DLG2: variants seen among roughly 807,000 people sequenced by gnomAD.
The protein encoded by DLG2 is disks large homolog 2.
A neutral mutation model predicts 132.5 loss-of-function variants in DLG2; 45 were observed. That is an observed-to-expected ratio of 0.34 (90% confidence interval 0.27 to 0.44). DLG2 has a LOEUF of 0.44. Ranked by LOEUF, DLG2 falls within the 20% of genes least tolerant of loss-of-function variation. DLG2 has a pLI of 1.00. For synonymous variants in DLG2, 424 were observed against 419.6 expected (o/e 1.01, Z -0.13); for missense variants, 1,045 against 1,196.9 (o/e 0.87, Z 1.87).
At chr11:85,002,566 G>T (rs1272574220) in intron 6 of DLG2, among the ~76,000 whole-genome samples, 1 of 152,136 alleles carries the variant, frequency 6.6e-6, no homozygotes, top group Non-Finnish European at 1.5e-5. Flanking sequence ...AGAACCATGT[G>T]CTGGTTTACC....
chr11:84,278,427 C>T (rs1261982267), intron 7 of DLG2, among the ~76,000 whole-genome samples: 1 of 151,078 alleles, frequency 6.6e-6, no homozygotes, highest in Non-Finnish European at 1.5e-5. Context: ...CGATTCTACA[C>T]AAAATTTTTC....
intron 7 of DLG2, among the ~76,000 whole-genome samples, chr11:84,414,581 G>A (rs1046196130): frequency 2.6e-5 from 4 of 152,028 alleles, no homozygotes; most frequent in African/African-American, 4.8e-5. Flanking sequence ...TTATCTGAAC[G>A]GCTTACATGA....
chr11:84,314,505 G>A (rs1013291102), intron 7 of DLG2, among the ~76,000 whole-genome samples: 4 of 151,926 alleles, frequency 2.6e-5, no homozygotes, highest in Non-Finnish European at 4.4e-5. Flanking sequence ...TGTATGCTAT[G>A]GATGCATATA....
At chr11:83,952,785 A>G (rs1319736) in intron 14 of DLG2, among the ~76,000 whole-genome samples, 134,579 of 151,994 alleles carry the variant, frequency 0.89, 60,055 homozygotes, top group Non-Finnish European at 0.95. Flanking sequence ...TATTTCAAGT[A>G]ATTATCTCTC....
At chr11:84,580,276 T>A (rs193295530) in intron 6 of DLG2, among the ~76,000 whole-genome samples, 26 of 152,278 alleles carry the variant, frequency 1.7e-4, no homozygotes, top group Non-Finnish European at 2.6e-4. Flanking sequence ...AAAATGTATA[T>A]TAAAACAAAT....
At chr11:85,052,861 C>A (rs1313373112) in intron 6 of DLG2, among the ~76,000 whole-genome samples, 1 of 152,042 alleles carries the variant, frequency 6.6e-6, no homozygotes, top group East Asian at 1.9e-4. Context: ...TTCTTCAGAC[C>A]CTCCTCATTG....
chr11:84,325,049 C>G (rs1330645656), intron 7 of DLG2, among the ~76,000 whole-genome samples: 1 of 151,956 alleles, frequency 6.6e-6, no homozygotes, highest in African/African-American at 2.4e-5. Flanking sequence ...ACTTCCAGTA[C>G]TATGTTGAGT....
intron 18 of DLG2, among the ~76,000 whole-genome samples, chr11:83,681,024 T>C (rs2078695905): frequency 6.6e-6 from 1 of 152,070 alleles, no homozygotes; most frequent in Middle Eastern, 3.2e-3. Context: ...GGACAAACAA[T>C]TATGGGTTTA....
intron 14 of DLG2, among the ~76,000 whole-genome samples, chr11:83,960,806 A>C (rs1208605917): frequency 6.6e-6 from 1 of 152,042 alleles, no homozygotes; most frequent in East Asian, 1.9e-4. Context: ...TAACGCCTAC[A>C]GTGTGAAGCA....
chr11:85,060,550 T>C (rs2063986839), intron 6 of DLG2, among the ~76,000 whole-genome samples: 3 of 150,982 alleles, frequency 2.0e-5, no homozygotes, highest in Admixed American at 6.6e-5. Context: ...CGCGTACATA[T>C]ATATAACATT....
Position 85,100,706 on chromosome 11 carries a change from C to T in DLG2, c.357+10955G>A, listed in dbSNP as rs76684778. On this transcript the variant is annotated intron_variant, in intron 6 of 27. Transcript: ENST00000376104. ...TGCCATCAGTCTCTCCTTCCTTCAA[C>T]ACCACCCCACCATCTCTACCACAAA... 9.2e-5 allele frequency among the ~76,000 whole-genome samples: 14 copies of T among 152,238 alleles called. No homozygotes were observed. In the East Asian group the frequency reaches 2.5e-3, roughly 27 times the overall value.
chr11:84,116,257 T>C (rs2093628515), intron 9 of DLG2, among the ~76,000 whole-genome samples: 1 of 152,236 alleles, frequency 6.6e-6, no homozygotes, highest in Admixed American at 6.5e-5. Flanking sequence ...GAATGATGTT[T>C]TCAAATGTAA....
intron 3 of DLG2, among the ~76,000 whole-genome samples, chr11:85,303,965 G>A (rs1273450629): frequency 6.6e-6 from 1 of 152,166 alleles, no homozygotes; most frequent in Non-Finnish European, 1.5e-5. Context: ...AGGACGTAAT[G>A]AAATGTTATA....
chr11:85,468,699 T>C (rs2092886341), intron 3 of DLG2, among the ~76,000 whole-genome samples: 1 of 152,216 alleles, frequency 6.6e-6, no homozygotes, highest in Non-Finnish European at 1.5e-5. Flanking sequence ...ATTTCTGTTC[T>C]TTTACATTTG....
chr11:84,266,462 A>G (rs981034748), intron 7 of DLG2, among the ~76,000 whole-genome samples: 1 of 152,220 alleles, frequency 6.6e-6, no homozygotes. Flanking sequence ...TAGAAATTCC[A>G]TTAATAGCCT....
intron 6 of DLG2, among the ~76,000 whole-genome samples, chr11:84,695,260 T>C (rs910064568): frequency 6.6e-6 from 1 of 151,518 alleles, no homozygotes; most frequent in Non-Finnish European, 1.5e-5. Flanking sequence ...AAGTGACATG[T>C]CCAAGATGCA....
chr11:84,534,490 CG>C, intron 7 of DLG2, 79 bp downstream of exon 7: 10 of 1,412,020 alleles, frequency 7.1e-6, no homozygotes, highest in Non-Finnish European at 9.9e-6. Flanking sequence ...CTCATTTAAT[CG>C]GGCCAGCAAA....
At chr11:85,511,310 C>T (rs1397379426) in intron 3 of DLG2, among the ~76,000 whole-genome samples, 1 of 151,884 alleles carries the variant, frequency 6.6e-6, no homozygotes, top group African/African-American at 2.4e-5. Flanking sequence ...CAACATGGCA[C>T]ATGTATACAC....
chr11:85,065,103 G>A lies in DLG2; in HGVS notation c.357+46558C>T, dbSNP rs372458673. Among the ~76,000 whole-genome samples the A allele has an allele frequency of 9.2e-5, 14 of 151,516 alleles. No individual in the cohort carries two copies. The East Asian group carries it at 2.7e-3, about 30-fold the overall frequency. ...TCTGGGCAGTGGAGAGGGGTGGGAGGAGTAGATAATAAAAAATGGTGAAGA... is the reference window on the plus strand; with the variant it reads ...TCTGGGCAGTGGAGAGGGGTGGGAGAAGTAGATAATAAAAAATGGTGAAGA... On this transcript the variant is annotated intron_variant, in intron 6 of 27. Coordinates refer to ENST00000376104, the MANE Select transcript of DLG2 (RefSeq NM_001142699.3).
Sources: allele counts gnomAD v4.1 joint callset (sites outside exome capture counted in the v4.1 genomes callset), GRCh38; gene constraint gnomAD v4.1.1; transcripts MANE v1.5; gene names NCBI Gene and HGNC (gene_info 2026-07-23, HGNC 2026-07-21).